Variants in NTN1 observed in about 807,000 individuals in gnomAD.
The protein encoded by NTN1 is netrin 1.
In NTN1, 11 loss-of-function variants were observed where a neutral mutation model predicts 54.2. The observed-to-expected ratio is 0.20, with a 90% CI of 0.13 to 0.34. The LOEUF is 0.34. Among genes scored for constraint, NTN1 ranks in the 10% least tolerant of loss-of-function variants. The probability of loss-of-function intolerance (pLI) is 1.00; values close to 1 mark genes in which losing one functional copy is unlikely to be tolerated. For synonymous variants in NTN1, 371 were observed against 382.0 expected, an observed-to-expected ratio of 0.97 and a Z score of 0.33; for missense variants, 740 against 893.1, an observed-to-expected ratio of 0.83 and a Z score of 2.18.
intron 3 of NTN1, among the ~76,000 whole-genome samples, chr17:9,169,430 C>A (rs773725800): frequency 3.4e-4 from 52 of 152,214 alleles, no homozygotes; most frequent in Non-Finnish European, 5.3e-4. Context: ...ACCCATGTGG[C>A]GCACTGTGCC....
At chr17:9,128,962 T>C (rs1240678341) in intron 2 of NTN1, among the ~76,000 whole-genome samples, 1 of 152,168 alleles carries the variant, frequency 6.6e-6, no homozygotes, top group East Asian at 1.9e-4. Flanking sequence ...CTGCAGCTCT[T>C]TCCCCAATGC....
chr17:9,016,915 A>G (rs1347069712), upstream of NTN1, among the ~76,000 whole-genome samples: 1 of 152,132 alleles, frequency 6.6e-6, no homozygotes, highest in African/African-American at 2.4e-5. Context: ...CACAAACTTC[A>G]ATAGGCCCTT....
chr17:9,150,840 G>A (rs1241292091), intron 2 of NTN1, among the ~76,000 whole-genome samples: 1 of 152,200 alleles, frequency 6.6e-6, no homozygotes, highest in East Asian at 1.9e-4. Flanking sequence ...CAGATTTGGG[G>A]GATGGCCCCC....
At position 9,038,265 on chromosome 17, in the gene NTN1, C is replaced by CTCACACACACACACACACACACACACA. The variant is rs55982115; in HGVS notation, c.1018+14874_1018+14875insTCACACACACACACACACACACACACA. Among the ~76,000 whole-genome samples, 279 of 144,172 alleles carry CTCACACACACACACACACACACACACA rather than the reference C, an allele frequency of 1.9e-3. 1 individual carries two copies. The highest frequency in any genetic ancestry group is 3.9e-3 in the African/African-American group (148 of 37,724). The allele number at this position is 144,172 out of a possible 152,430, so 94.6% of individuals were successfully genotyped here. A position where few individuals can be genotyped will look rare whatever the true frequency, so the allele number is the denominator to read the frequency against. On this transcript the variant is annotated intron_variant, in intron 2 of 6. Coordinates refer to ENST00000173229, the MANE Select transcript of NTN1 (RefSeq NM_004822.3). ...TGTCTTCTCCTCTCTTTCTCTCTCT[C>CTCACACACACACACACACACACACACA]CACACACACACACACCTGAGATCAC...
At chr17:9,044,779 C>G (rs565596047) in intron 2 of NTN1, among the ~76,000 whole-genome samples, 2 of 152,046 alleles carry the variant, frequency 1.3e-5, no homozygotes, top group Admixed American at 1.3e-4. Flanking sequence ...ACATGTAACT[C>G]GATCTTCCAC....
chr17:9,006,437 T>C, the NTN1 span, among the ~76,000 whole-genome samples: 1 of 152,136 alleles, frequency 6.6e-6, no homozygotes, highest in African/African-American at 2.4e-5. Flanking sequence ...GCCCTTTGGA[T>C]GCTGAGCGAG....
At chr17:9,210,422 A>ACACACACACACACCCCCACACC (rs1274558096) in intron 5 of NTN1, among the ~76,000 whole-genome samples, 1 of 83,628 alleles carries the variant, frequency 1.2e-5, no homozygotes. Flanking sequence ...ATGTGCGTGC[A>ACACACACACACACCCCCACACC]CACACACACA....
intron 3 of NTN1, chr17:9,177,271 G>T (rs1460996932): frequency 6.6e-6 from 1 of 152,272 alleles, no homozygotes; most frequent in Non-Finnish European, 1.5e-5. Context: ...CCCTCACTCC[G>T]CCAGACCTCA....
chr17:9,224,310 G>A (rs2142359961), intron 6 of NTN1, among the ~76,000 whole-genome samples: 1 of 152,280 alleles, frequency 6.6e-6, no homozygotes. Context: ...ACTCGAAGGA[G>A]CCCCTTAGGC....
At position 9,211,347 on chromosome 17, in the gene NTN1, C is replaced by G. The variant is rs1369236475; in HGVS notation, c.1412-9821C>G. Among the ~76,000 whole-genome samples, 2 of 152,146 alleles carry G rather than the reference C, an allele frequency of 1.3e-5. No individual in the cohort carries two copies. Among genetic ancestry groups the G allele is most frequent in the East Asian group, 3.9e-4 (2 of 5,186 alleles). On this transcript the variant is annotated intron_variant, in intron 5 of 6. Transcript: ENST00000173229. The surrounding 1 kb of genome is among the most constrained non-coding windows in gnomAD (Gnocchi z 4.4). The stretch of plus-strand genomic sequence containing the variant: ...TGGGATGGGTCTAAGTAGGTCTCCA[C>G]CTGTGCCCCCTGCCCCCACGCATTC...
rs755259287 is a variant in NTN1, at chr17:9,023,185, C to T, written c.812C>T (p.Ser271Leu). The change falls in exon 2 of 7, where the codon TCG (serine) becomes TTG (leucine). Residue 271 changes from serine to leucine, a missense_variant. By Grantham distance (145) the Ser-to-Leu change is moderately radical (BLOSUM62 -2). Transcript: ENST00000173229. ...NEDDSELARDSYFYAVSDLQV... is the reference protein window; with the variant it reads ...NEDDSELARDLYFYAVSDLQV... ...GACGACTCGGAGCTGGCGCGCGACT[C>T]GTACTTCTACGCGGTGTCCGACCTG... is the stretch of plus-strand genomic sequence containing the variant. 2 of 1,562,608 alleles carry T rather than the reference C, an allele frequency of 1.3e-6. No individual in the cohort carries two copies. The highest frequency in any genetic ancestry group is 1.2e-5 in the South Asian group (1 of 86,102).
the NTN1 span, among the ~76,000 whole-genome samples, chr17:9,009,729 T>C: frequency 1.3e-5 from 2 of 152,226 alleles, no homozygotes; most frequent in Non-Finnish European, 2.9e-5. Flanking sequence ...GCATAGAAAC[T>C]TTTTATGGAA....
At chr17:9,036,811 T>G (rs114341924) in intron 2 of NTN1, among the ~76,000 whole-genome samples, 105 of 152,238 alleles carry the variant, frequency 6.9e-4, no homozygotes, top group African/African-American at 2.3e-3. Flanking sequence ...GCTCTATAAC[T>G]TGAATGATAC....
intron 3 of NTN1, chr17:9,177,487 A>T (rs1369582713): frequency 6.6e-6 from 1 of 152,262 alleles, no homozygotes; most frequent in Non-Finnish European, 1.5e-5. Flanking sequence ...AAATCCAAGG[A>T]TCCAGAAGTT....
chr17:9,183,147 T>C (rs906514536), intron 5 of NTN1, 178 bp downstream of exon 5: 12 of 705,392 alleles, frequency 1.7e-5, no homozygotes, highest in Non-Finnish European at 5.2e-6. Context: ...GGACACTATT[T>C]TGTGGCTTTC....
At chr17:9,226,950 GC>G (rs1483179218) in intron 6 of NTN1, among the ~76,000 whole-genome samples, 1 of 151,680 alleles carries the variant, frequency 6.6e-6, no homozygotes, top group Non-Finnish European at 1.5e-5. Context: ...TCCCAGCCCC[GC>G]CCCCCGAGGC....
At chr17:9,091,714 G>A (rs35703093) in intron 2 of NTN1, among the ~76,000 whole-genome samples, 13,546 of 150,820 alleles carry the variant, frequency 0.09, 701 homozygotes, top group Non-Finnish European at 0.11. Flanking sequence ...CGGCCTCCCA[G>A]AGTGCTGGGA....
chr17:9,189,639 C>G (rs1904398302), intron 5 of NTN1, among the ~76,000 whole-genome samples: 1 of 151,926 alleles, frequency 6.6e-6, no homozygotes, highest in East Asian at 1.9e-4. Flanking sequence ...GGTGAGCCAC[C>G]ATGCCCAGCC....
intron 2 of NTN1, among the ~76,000 whole-genome samples, chr17:9,059,170 C>G (rs7210227): frequency 0.053 from 8,136 of 152,156 alleles, 737 homozygotes; most frequent in African/African-American, 0.19. Context: ...TTTAATATGA[C>G]GGTGACTGAG....
Sources: allele counts gnomAD v4.1 joint callset (sites outside exome capture counted in the v4.1 genomes callset), GRCh38; gene constraint gnomAD v4.1.1; non-coding constraint Gnocchi (gnomAD v3.1); transcripts MANE v1.5; gene names NCBI Gene and HGNC (gene_info 2026-07-23, HGNC 2026-07-21).